Variants in CD8A observed in about 807,000 individuals in gnomAD.
CD8A encodes CD8 subunit alpha, also known as T-cell surface glycoprotein CD8 alpha chain.
A neutral mutation model predicts 24.2 loss-of-function variants in CD8A; 25 were observed. That is an observed-to-expected ratio of 1.03 (90% CI 0.75 to 1.44). The LOEUF (loss-of-function observed/expected upper bound fraction) is 1.44. Among genes scored for constraint, CD8A ranks in the 40% most tolerant of loss-of-function variants. The pLI is 0.00. For synonymous variants in CD8A, 165 were observed against 149.9 expected (o/e 1.10, Z -0.74); for missense variants, 360 against 319.7 (o/e 1.13, Z -0.96).
rs1207564975 is a variant in CD8A at position 86,789,581 on chromosome 2, T to TGGCATGGGCTCTCCCC, written c.514+43_514+58dup. 3.4e-5 allele frequency: 46 copies of TGGCATGGGCTCTCCCC among 1,359,494 alleles called. No individual in the cohort carries two copies. The African/African-American group carries it at 6.0e-4, about 18-fold the overall frequency. The allele number at this position is 1,359,494 out of a possible 1,614,324, so 84.2% of individuals were successfully genotyped here. On this transcript the variant is annotated intron_variant, in intron 3 of 5. Transcript: ENST00000283635. ...CTACCTACAGTATCAGGGCTGTCCC[T>TGGCATGGGCTCTCCCC]GGCATGGGCTCTCCCCGCGGTGCGT...
intron 3 of CD8A, among the ~76,000 whole-genome samples, chr2:86,796,384 T>C (rs1193578421): frequency 6.6e-6 from 1 of 152,192 alleles, no homozygotes; most frequent in Non-Finnish European, 1.5e-5. Flanking sequence ...TAAAAACATA[T>C]ACATCTTTGC....
chr2:86,790,882 G>C lies in CD8A; in HGVS notation c.-57C>G. ...AGCTCGGGCGCGAGGGGAGGCGCGC[G>C]GGAGCCGGTGGGGCGCCGAGGGGGG... On this transcript the variant is annotated 5_prime_UTR_variant, in exon 1 of 6. Coordinates refer to ENST00000283635, the MANE Select transcript of CD8A (RefSeq NM_001768.7). The C allele has an allele frequency of 6.7e-7, 1 of 1,487,888 alleles. No individual in the cohort carries two copies. Among genetic ancestry groups the C allele is most frequent in the Non-Finnish European group, 9.1e-7 (1 of 1,103,200 alleles). 92.2% of individuals were successfully genotyped at this position (1,487,888 alleles called of 1,614,324 possible). A position where few individuals can be genotyped will look rare whatever the true frequency, so the allele number is the denominator to read the frequency against.
chr2:86,788,957 A>G (rs4319929), intron 4 of CD8A, among the ~76,000 whole-genome samples: 10,659 of 152,240 alleles, frequency 0.07, 406 homozygotes, highest in African/African-American at 0.083. Flanking sequence ...CGAACCTCAA[A>G]CTGATGGTGG....
chr2:86,787,898 A>AGAGAGTGTGTGTGTGT (rs369993109), intron 5 of CD8A, among the ~76,000 whole-genome samples: 2 of 144,596 alleles, frequency 1.4e-5, no homozygotes, highest in African/African-American at 2.6e-5. Context: ...AGAGAGAGAG[A>AGAGAGTGTGTGTGTGT]GTGTGTGTGT....
intron 5 of CD8A, among the ~76,000 whole-genome samples, chr2:86,787,081 CT>C (rs759881985): frequency 0.011 from 1,034 of 91,862 alleles, 9 homozygotes; most frequent in African/African-American, 0.039. Context: ...TCCCCCCCCA[CT>C]TTTTTTTTTT....
intron 3 of CD8A, among the ~76,000 whole-genome samples, chr2:86,797,140 A>G (rs1461062690): frequency 6.6e-6 from 1 of 152,200 alleles, no homozygotes; most frequent in Non-Finnish European, 1.5e-5. Context: ...AATCTCAGTA[A>G]CACTGAAACA....
At chr2:86,796,907 C>CA in intron 3 of CD8A, among the ~76,000 whole-genome samples, 1 of 152,142 alleles carries the variant, frequency 6.6e-6, no homozygotes, top group Non-Finnish European at 1.5e-5. Context: ...CCTGTTTTCC[C>CA]ACACATGATT....
intron 3 of CD8A, among the ~76,000 whole-genome samples, chr2:86,795,915 T>C (rs1031931380): frequency 6.6e-6 from 1 of 152,062 alleles, no homozygotes; most frequent in African/African-American, 2.4e-5. Context: ...AAAGTATACA[T>C]AAAAAAGACT....
chr2:86,789,729 G>A lies in CD8A; in HGVS notation c.425C>T (p.Ala142Val), dbSNP rs1218870889. The change falls in exon 3 of 6, where the codon GCG becomes GTG. Residue 142 changes from alanine (A) to valine (V), a missense_variant. By Grantham distance (64) the Ala-to-Val change is moderately conservative. Coordinates refer to ENST00000283635, the MANE Select transcript of CD8A (RefSeq NM_001768.7). ...FLPAKPTTTP[A>V]PRPPTPAPTI... ...GGGCGCCGGTGTTGGTGGTCGCGGC[G>A]CTGGCGTCGTGGTGGGCTTCGCTGC... The A allele has an allele frequency of 7.3e-7, 1 of 1,369,040 alleles. No homozygotes were observed. Among genetic ancestry groups the A allele is most frequent in the Admixed American group, 3.4e-5 (1 of 29,298 alleles). 84.8% of individuals were successfully genotyped at this position (1,369,040 alleles called of 1,614,324 possible).
upstream of CD8A, chr2:86,791,329 A>G (rs6743139): frequency 0.71 from 257,492 of 360,258 alleles, 94,367 homozygotes; most frequent in East Asian, 0.89. Flanking sequence ...AGGAAGAGGA[A>G]CTAGCGACCT....
At chr2:86,787,886 A>G (rs1673082944) in intron 5 of CD8A, among the ~76,000 whole-genome samples, 1 of 126,806 alleles carries the variant, frequency 7.9e-6, no homozygotes, top group Non-Finnish European at 1.8e-5. Flanking sequence ...ACAGAGAGGG[A>G]GAGAGAGAGA....
At chr2:86,801,373 TC>T (rs1406484356) in intron 3 of CD8A, 1 of 150,950 alleles carries the variant, frequency 6.6e-6, no homozygotes, top group Non-Finnish European at 1.5e-5. Flanking sequence ...TCTCTCTTTC[TC>T]CCTTGGAGAA....
chr2:86,799,186 C>G (rs957973185), intron 3 of CD8A, among the ~76,000 whole-genome samples: 10 of 152,154 alleles, frequency 6.6e-5, no homozygotes, highest in Non-Finnish European at 1.3e-4. Flanking sequence ...TGGTTCTCTT[C>G]TCATAAAATG....
At chr2:86,792,719 T>C (rs917062167), upstream of CD8A, among the ~76,000 whole-genome samples, 2 of 152,016 alleles carry the variant, frequency 1.3e-5, no homozygotes, top group African/African-American at 4.8e-5. Flanking sequence ...TGGTCTCCAA[T>C]GCCCGAGGTC....
At position 86,786,029 on chromosome 2, in the gene CD8A, T is replaced by G. The variant is rs186431854; in HGVS notation, c.657-58A>C. 3.3e-4 allele frequency: 412 copies of G among 1,262,556 alleles called. 3 individuals carry two copies. The South Asian group carries it at 3.4e-3, about 10-fold the overall frequency. The allele number at this position is 1,262,556 out of a possible 1,614,324, so 78.2% of individuals were successfully genotyped here. ...CAGAACCCCGCCAGTGCAGCATCCA[T>G]CCAGCCACGTCCAGCCTCCCAATCC... On this transcript the variant is annotated intron_variant, in intron 5 of 5. Transcript: ENST00000283635.
rs1279695654 is a variant in CD8A at position 86,785,923 on chromosome 2, G to C, written c.705C>G (p.Val235=). The change falls in exon 6 of 6, where the codon GTC becomes GTG. Residue 235 remains valine, a synonymous_variant. Transcript: ENST00000283635. The stretch of plus-strand genomic sequence containing the variant: ...ATGTAGTGGCTGTTGCACAGGGTTA[G>C]ACGTATCTCGCCGAAAGGCTGGGCT... ...GDKPSLSARY[V] 1 of 1,611,180 alleles carries C rather than the reference G, an allele frequency of 6.2e-7. No individual in the cohort carries two copies. Among genetic ancestry groups the C allele is most frequent in the African/African-American group, 1.3e-5 (1 of 74,872 alleles).
intron 5 of CD8A, among the ~76,000 whole-genome samples, chr2:86,787,708 T>G (rs528285699): frequency 6.6e-6 from 1 of 152,328 alleles, no homozygotes; most frequent in African/African-American, 2.4e-5. Context: ...CTGAGTTTAA[T>G]GTGCCTTTGC....
At chr2:86,801,170 C>A (rs984586850) in intron 3 of CD8A, among the ~76,000 whole-genome samples, 1 of 152,100 alleles carries the variant, frequency 6.6e-6, no homozygotes, top group Non-Finnish European at 1.5e-5. Flanking sequence ...TTTGTTGAAG[C>A]CACCTAGTTT....
chr2:86,789,113 G>A (rs115365495), intron 4 of CD8A, among the ~76,000 whole-genome samples: 1,610 of 152,300 alleles, frequency 0.011, 31 homozygotes, highest in African/African-American at 0.037. Flanking sequence ...ACGCGGCTTT[G>A]TCTCCCAAAA....
Sources: gnomAD v4.1 joint callset for allele counts (sites outside exome capture counted in the v4.1 genomes callset) on GRCh38, gnomAD v4.1.1 for gene constraint, MANE v1.5 for transcripts, NCBI Gene and HGNC (gene_info 2026-07-23, HGNC 2026-07-21) for gene names.